EPAS1: variants seen among roughly 807,000 people sequenced by gnomAD.
EPAS1 encodes endothelial PAS domain protein 1, also known as endothelial PAS domain-containing protein 1.
Under a neutral mutation model 87.9 loss-of-function variants are expected in EPAS1, and 23 were observed. The ratio of observed to expected loss-of-function variants is 0.26; its 90% CI spans 0.19 to 0.37. EPAS1 has a LOEUF of 0.37. Among genes scored for constraint, EPAS1 ranks in the 10% least tolerant of loss-of-function variants. The pLI is 1.00. For missense variants in EPAS1, 1,138 were observed against 1,120.7 expected, an observed-to-expected ratio of 1.02 and a Z score of -0.22; for synonymous variants, 508 against 444.3, an observed-to-expected ratio of 1.14 and a Z score of -1.80.
chr2:46,363,723 T>C (rs1424332271), intron 6 of EPAS1, among the ~76,000 whole-genome samples: 1 of 152,142 alleles, frequency 6.6e-6, no homozygotes, highest in African/African-American at 2.4e-5. Context: ...GCTTTGTGAC[T>C]CATAATGTAG....
intron 7 of EPAS1, among the ~76,000 whole-genome samples, chr2:46,373,980 T>C (rs1684679353): frequency 6.6e-6 from 1 of 152,244 alleles, no homozygotes; most frequent in Admixed American, 6.5e-5. Context: ...AATGCAGTGA[T>C]GATGACCTAA....
intron 1 of EPAS1, among the ~76,000 whole-genome samples, chr2:46,308,462 G>GA (rs1553388767): frequency 7.3e-6 from 1 of 137,346 alleles, no homozygotes; most frequent in African/African-American, 2.6e-5. Context: ...CTTTTTTTTG[G>GA]GGGGGGGGGC....
chr2:46,298,659 G>C (rs914754637), intron 1 of EPAS1, among the ~76,000 whole-genome samples: 2 of 152,232 alleles, frequency 1.3e-5, no homozygotes, highest in Non-Finnish European at 2.9e-5. Flanking sequence ...CCGGGTGTCT[G>C]TCTCCGAAGA....
At chr2:46,299,295 C>T (rs1682948540) in intron 1 of EPAS1, among the ~76,000 whole-genome samples, 1 of 152,182 alleles carries the variant, frequency 6.6e-6, no homozygotes, top group Non-Finnish European at 1.5e-5. Flanking sequence ...ACTGCGGGAT[C>T]GCTAGGGGAG....
At chr2:46,343,467 G>A (rs1004280914) in intron 1 of EPAS1, among the ~76,000 whole-genome samples, 3 of 152,182 alleles carry the variant, frequency 2.0e-5, no homozygotes, top group African/African-American at 7.2e-5. Flanking sequence ...TTTGATCTTG[G>A]ACCCAGAAGA....
chr2:46,333,207 C>T (rs555816984), intron 1 of EPAS1, among the ~76,000 whole-genome samples: 1 of 152,318 alleles, frequency 6.6e-6, no homozygotes, highest in African/African-American at 2.4e-5. Flanking sequence ...ACCCCCACAG[C>T]TGGGGGACCG....
In EPAS1 at chr2:46,356,080, C is replaced by G; in HGVS notation, c.218-71C>G. ...GCCTTTGCACCATCCCTGGCAAATG[C>G]CTATCTGTGCCAGTCCCATCTGTTT... is the stretch of plus-strand genomic sequence containing the variant. On this transcript the variant is annotated intron_variant, in intron 2 of 15. Transcript: ENST00000263734. The G allele has an allele frequency of 2.0e-6, 3 of 1,509,488 alleles. No homozygotes were observed. In the South Asian group the frequency reaches 3.4e-5, roughly 17 times the overall value. The allele number at this position is 1,509,488 out of a possible 1,614,324, so 93.5% of individuals were successfully genotyped here. A position where few individuals can be genotyped will look rare whatever the true frequency, so the allele number is the denominator to read the frequency against.
rs1367219759 is a variant in EPAS1 at position 46,385,887 on chromosome 2, G to A, written c.*1227G>A. On this transcript the variant is annotated 3_prime_UTR_variant, in exon 16 of 16. Coordinates refer to ENST00000263734, the MANE Select transcript of EPAS1 (RefSeq NM_001430.5). ...GAACTACCATGAGATGGTTTAGACG[G>A]GAATTCATGCAAATGAGGGGTCAAA... The A allele has an allele frequency of 6.6e-6, 1 of 152,180 alleles. No homozygotes were observed. The highest frequency in any genetic ancestry group is 2.4e-5 in the African/African-American group (1 of 41,418). The allele number at this position is 152,180 out of a possible 1,614,324, so 9.4% of individuals were successfully genotyped here. A position where few individuals can be genotyped will look rare whatever the true frequency, so the allele number is the denominator to read the frequency against.
intron 4 of EPAS1, among the ~76,000 whole-genome samples, chr2:46,358,495 C>T (rs1366973204): frequency 6.6e-6 from 1 of 152,218 alleles, no homozygotes; most frequent in Non-Finnish European, 1.5e-5. Flanking sequence ...AACCCTTTGG[C>T]CTTTGGGTTC....
chr2:46,309,143 A>G (rs1683165324), intron 1 of EPAS1, among the ~76,000 whole-genome samples: 1 of 152,238 alleles, frequency 6.6e-6, no homozygotes, highest in Non-Finnish European at 1.5e-5. Flanking sequence ...AGTTTGGTGT[A>G]GAGAACTGGA....
At chr2:46,308,836 A>G (rs532934908) in intron 1 of EPAS1, among the ~76,000 whole-genome samples, 8 of 152,340 alleles carry the variant, frequency 5.3e-5, no homozygotes, top group Admixed American at 2.6e-4. Flanking sequence ...CTCTCAGTTC[A>G]GAGATCATCT....
At chr2:46,348,713 G>A (rs1684085697) in intron 2 of EPAS1, among the ~76,000 whole-genome samples, 1 of 152,218 alleles carries the variant, frequency 6.6e-6, no homozygotes, top group African/African-American at 2.4e-5. Context: ...CTTGGGAGCA[G>A]AAGTGCTTTT....
chr2:46,381,121 G>A, intron 12 of EPAS1: 1 of 350,098 alleles, frequency 2.9e-6, no homozygotes, highest in Non-Finnish European at 5.4e-6. Flanking sequence ...CCTCGCCACT[G>A]CAGCCTCTCC....
chr2:46,363,780 C>T (rs974140915), intron 6 of EPAS1, among the ~76,000 whole-genome samples: 1 of 152,202 alleles, frequency 6.6e-6, no homozygotes, highest in African/African-American at 2.4e-5. Flanking sequence ...GCATTTTCAG[C>T]AAAATCTTGC....
In EPAS1 at chr2:46,377,247, G is replaced by T. The variant is rs534232883; in HGVS notation, c.1249+494G>T. ...CCTGGGATTAAGCCCTCAAACCCAC[G>T]ACTTCATTAAAGTGTCTGCCTGTCC... On this transcript the variant is annotated intron_variant, in intron 9 of 15. Coordinates refer to ENST00000263734, the MANE Select transcript of EPAS1 (RefSeq NM_001430.5). 3.3e-5 allele frequency among the ~76,000 whole-genome samples: 5 copies of T among 152,292 alleles called. No homozygotes were observed. In the East Asian group the frequency reaches 9.7e-4, roughly 29 times the overall value.
At chr2:46,301,735 G>C (rs554103935) in intron 1 of EPAS1, among the ~76,000 whole-genome samples, 3 of 150,956 alleles carry the variant, frequency 2.0e-5, no homozygotes, top group Non-Finnish European at 4.4e-5. Flanking sequence ...CTCTCAAACC[G>C]CTGAACCTTA....
At chr2:46,306,135 G>A (rs908201027) in intron 1 of EPAS1, among the ~76,000 whole-genome samples, 2 of 151,944 alleles carry the variant, frequency 1.3e-5, no homozygotes, top group African/African-American at 4.8e-5. Context: ...ATTATTTTTT[G>A]GTAATCATTT....
chr2:46,363,363 A>G (rs561274841), intron 6 of EPAS1, among the ~76,000 whole-genome samples: 5 of 152,222 alleles, frequency 3.3e-5, no homozygotes, highest in Non-Finnish European at 7.3e-5. Context: ...GGAAAACCCT[A>G]CTGTCCTAGA....
chr2:46,311,116 A>C (rs1169199955), intron 1 of EPAS1, among the ~76,000 whole-genome samples: 1 of 152,072 alleles, frequency 6.6e-6, no homozygotes, highest in Non-Finnish European at 1.5e-5. Context: ...CTGACCTGTG[A>C]TCCACCCGCC....
Sources: gnomAD v4.1 joint callset for allele counts (sites outside exome capture counted in the v4.1 genomes callset) on GRCh38, gnomAD v4.1.1 for gene constraint, MANE v1.5 for transcripts, NCBI Gene and HGNC (gene_info 2026-07-23, HGNC 2026-07-21) for gene names.